Variants in VOPP1 observed in about 807,000 individuals in gnomAD.
VOPP1 encodes VOPP1 WW domain binding protein.
Under a neutral mutation model 23.5 loss-of-function variants are expected in VOPP1, and 8 were observed. The ratio of observed to expected loss-of-function variants is 0.34; its 90% CI spans 0.20 to 0.61. VOPP1 has a LOEUF of 0.61. VOPP1 is among the 20% of genes least tolerant of loss of function. The pLI, the probability that VOPP1 is intolerant of heterozygous loss-of-function variation, is 0.78. For synonymous variants in VOPP1, 83 were observed against 97.3 expected (o/e 0.85, Z 0.86); for missense variants, 174 against 238.1 (o/e 0.73, Z 1.77).
intron 4 of VOPP1, among the ~76,000 whole-genome samples, chr7:55,444,991 C>T (rs1195165929): frequency 6.6e-6 from 1 of 152,134 alleles, no homozygotes; most frequent in East Asian, 1.9e-4. Flanking sequence ...TTTCTTCTTG[C>T]TCTTTATGTA....
intron 4 of VOPP1, among the ~76,000 whole-genome samples, chr7:55,478,418 G>C (rs1431265522): frequency 6.6e-6 from 1 of 152,148 alleles, no homozygotes; most frequent in Non-Finnish European, 1.5e-5. Context: ...AAGCCCAAGG[G>C]AGCTGCAGCT....
intron 1 of VOPP1, among the ~76,000 whole-genome samples, chr7:55,561,590 T>TCCCCCCCC (rs975296723): frequency 1.3e-5 from 2 of 150,980 alleles, no homozygotes; most frequent in African/African-American, 4.9e-5. Context: ...GCACCTTATG[T>TCCCCCCCC]CCAGCTACTC....
At chr7:55,529,635 T>G (rs10238216) in intron 1 of VOPP1, among the ~76,000 whole-genome samples, 2,478 of 152,308 alleles carry the variant, frequency 0.016, 70 homozygotes, top group African/African-American at 0.056. Flanking sequence ...TATAGTTTGA[T>G]GAGTTTTAGG....
chr7:55,502,246 AC>A (rs1794419047), intron 2 of VOPP1, among the ~76,000 whole-genome samples: 1 of 152,064 alleles, frequency 6.6e-6, no homozygotes. Context: ...CTGAGAACAT[AC>A]CCGTCCTAGA....
chr7:55,508,758 AT>A (rs150154857), intron 2 of VOPP1, among the ~76,000 whole-genome samples: 8,833 of 152,250 alleles, frequency 0.058, 637 homozygotes, highest in African/African-American at 0.17. Flanking sequence ...AGAAACAGTT[AT>A]TACCAGAAAC....
intron 4 of VOPP1, among the ~76,000 whole-genome samples, chr7:55,487,148 C>CA (rs1419308576): frequency 6.6e-6 from 1 of 152,174 alleles, no homozygotes; most frequent in African/African-American, 2.4e-5. Context: ...ATTAAACTGT[C>CA]AAAACACCCT....
At chr7:55,464,843 A>G (rs958569243) in intron 4 of VOPP1, among the ~76,000 whole-genome samples, 6 of 152,098 alleles carry the variant, frequency 3.9e-5, no homozygotes, top group Non-Finnish European at 8.8e-5. Flanking sequence ...CCCAGAGTGA[A>G]GTTCTTCTCT....
chr7:55,546,256 G>A (rs1797363069), intron 1 of VOPP1, among the ~76,000 whole-genome samples: 1 of 152,228 alleles, frequency 6.6e-6, no homozygotes, highest in South Asian at 2.1e-4. Context: ...AGTCGAGGGA[G>A]ATGTAGACAG....
chr7:55,549,895 T>C (rs1797531541), intron 1 of VOPP1, among the ~76,000 whole-genome samples: 1 of 152,222 alleles, frequency 6.6e-6, no homozygotes, highest in African/African-American at 2.4e-5. Context: ...CAAATCTTGC[T>C]TGGAAAAAGA....
At chr7:55,509,763 G>A (rs1297977182) in intron 2 of VOPP1, among the ~76,000 whole-genome samples, 1 of 152,144 alleles carries the variant, frequency 6.6e-6, no homozygotes, top group Non-Finnish European at 1.5e-5. Context: ...GACATTCTCT[G>A]CTCAGTCTTC....
chr7:55,553,033 G>C (rs966074116), intron 1 of VOPP1, among the ~76,000 whole-genome samples: 1 of 152,210 alleles, frequency 6.6e-6, no homozygotes, highest in African/African-American at 2.4e-5. Flanking sequence ...CTGAGTTTCA[G>C]TGTTATTGCT....
intron 1 of VOPP1, among the ~76,000 whole-genome samples, chr7:55,528,884 T>C (rs1159382684): frequency 1.1e-4 from 16 of 152,202 alleles, no homozygotes; most frequent in Non-Finnish European, 1.3e-4. Flanking sequence ...GTTTATGTCA[T>C]AGTTAATTTA....
At chr7:55,530,092 T>C (rs1173560304) in intron 1 of VOPP1, among the ~76,000 whole-genome samples, 1 of 152,102 alleles carries the variant, frequency 6.6e-6, no homozygotes, top group Non-Finnish European at 1.5e-5. Flanking sequence ...AATGGGTACG[T>C]ACATTCCACT....
At chr7:55,463,141 T>A (rs1791548045) in intron 4 of VOPP1, among the ~76,000 whole-genome samples, 1 of 152,246 alleles carries the variant, frequency 6.6e-6, no homozygotes, top group South Asian at 2.1e-4. Context: ...TGGCCAAACA[T>A]ATGGCCTATC....
chr7:55,561,432 C>T (rs779695797), intron 1 of VOPP1, among the ~76,000 whole-genome samples: 14 of 152,028 alleles, frequency 9.2e-5, no homozygotes, highest in African/African-American at 3.1e-4. Context: ...CAGACCAGGC[C>T]GGGCACGGTG....
At chr7:55,552,677 G>C (rs1284621639) in intron 1 of VOPP1, 7 of 1,535,892 alleles carry the variant, frequency 4.6e-6, no homozygotes, top group Non-Finnish European at 5.2e-6. Flanking sequence ...TTCCAACAAT[G>C]GGGGGCACTC....
At chr7:55,493,632 T>A (rs1219380041) in intron 3 of VOPP1, among the ~76,000 whole-genome samples, 2 of 152,278 alleles carry the variant, frequency 1.3e-5, no homozygotes, top group South Asian at 2.1e-4. Context: ...CAGCAAGTCA[T>A]CTTCAGGTGC....
At chr7:55,564,229 T>TTCTC (rs1343271452) in intron 1 of VOPP1, among the ~76,000 whole-genome samples, 1 of 44,850 alleles carries the variant, frequency 2.2e-5, no homozygotes, top group Non-Finnish European at 6.3e-5. Context: ...AACACACTCT[T>TTCTC]TCTCTCTGTC....
chr7:55,524,636 A>G (rs970388788), intron 1 of VOPP1, among the ~76,000 whole-genome samples: 1 of 152,222 alleles, frequency 6.6e-6, no homozygotes, highest in Non-Finnish European at 1.5e-5. Flanking sequence ...AAATGAGGAC[A>G]CAGAAGTCCT....
Sources: gnomAD v4.1 joint callset for allele counts (sites outside exome capture counted in the v4.1 genomes callset) on GRCh38, gnomAD v4.1.1 for gene constraint, MANE v1.5 for transcripts, NCBI Gene and HGNC (gene_info 2026-07-23, HGNC 2026-07-21) for gene names.